IGF2BP2: variants seen among roughly 807,000 people sequenced by gnomAD.
The protein encoded by IGF2BP2 is insulin-like growth factor 2 mRNA-binding protein 2.
In IGF2BP2, 17 loss-of-function variants were observed where a neutral mutation model predicts 75.8. That is an observed-to-expected ratio of 0.22 (90% CI 0.15 to 0.34). The LOEUF is 0.34. IGF2BP2 is among the 10% of genes least tolerant of loss of function. The pLI is 1.00. For synonymous variants in IGF2BP2, 288 were observed against 295.6 expected (o/e 0.97, Z 0.26); for missense variants, 516 against 772.4 (o/e 0.67, Z 3.93).
chr3:185,762,749 A>C (rs866042602), intron 2 of IGF2BP2, among the ~76,000 whole-genome samples: 1 of 152,146 alleles, frequency 6.6e-6, no homozygotes, highest in African/African-American at 2.4e-5. Flanking sequence ...AGAGGGGAGA[A>C]AAGTCTGGGC....
chr3:185,798,795 CTTTTTTTT>C (rs1191572296), intron 2 of IGF2BP2, among the ~76,000 whole-genome samples: 1 of 68,920 alleles, frequency 1.5e-5, no homozygotes, highest in Non-Finnish European at 2.8e-5. Context: ...TTCTTTTTTT[CTTTTTTTT>C]TTTTGAGACA....
chr3:185,675,767 GAGTA>G lies in IGF2BP2; in HGVS notation c.935+20_935+23del. 1 of 1,610,440 alleles carries G rather than the reference GAGTA, an allele frequency of 6.2e-7. No individual in the cohort carries two copies. Among genetic ancestry groups the G allele is most frequent in the East Asian group, 2.2e-5 (1 of 44,846 alleles). ...GCTCAGGTGTTCCATTATTGGGCAT[GAGTA>G]ATCTGAGTAAGTGGCTTACGATGAG... On this transcript the variant is annotated intron_variant, in intron 8 of 15. Transcript: ENST00000382199.
intron 13 of IGF2BP2, 120 bp from the exon 14 acceptor site, chr3:185,649,654 G>C (rs576968169): frequency 7.4e-7 from 1 of 1,359,272 alleles, no homozygotes; most frequent in African/African-American, 1.5e-5. Flanking sequence ...ACACTCCCTG[G>C]GACACACAGG....
chr3:185,695,899 T>C (rs567809416), intron 4 of IGF2BP2, among the ~76,000 whole-genome samples: 4 of 152,190 alleles, frequency 2.6e-5, no homozygotes, highest in Non-Finnish European at 4.4e-5. Context: ...GCGATTCTCG[T>C]GCCTCAGCCT....
At chr3:185,741,527 A>G (rs769265770) in intron 2 of IGF2BP2, among the ~76,000 whole-genome samples, 3 of 152,216 alleles carry the variant, frequency 2.0e-5, no homozygotes, top group Non-Finnish European at 2.9e-5. Flanking sequence ...ACCCTGTCCC[A>G]TGAATAACTG....
chr3:185,699,373 G>C (rs904272368), intron 2 of IGF2BP2, among the ~76,000 whole-genome samples: 13 of 152,170 alleles, frequency 8.5e-5, no homozygotes, highest in African/African-American at 3.1e-4. Context: ...AACAGGACAG[G>C]TGAGGTCATA....
At chr3:185,776,092 C>T (rs1327594757) in intron 2 of IGF2BP2, among the ~76,000 whole-genome samples, 5 of 151,826 alleles carry the variant, frequency 3.3e-5, no homozygotes, top group Admixed American at 3.3e-4. Flanking sequence ...AAAAACTTAA[C>T]AAATTAGCTG....
intron 2 of IGF2BP2, chr3:185,820,928 G>T: frequency 7.2e-7 from 1 of 1,381,680 alleles, no homozygotes; most frequent in Non-Finnish European, 9.8e-7. Flanking sequence ...CTTCTAACTT[G>T]TTAATATTCA....
Position 185,645,999 on chromosome 3 carries a change from T to C in IGF2BP2, c.1708-376A>G, listed in dbSNP as rs1713455863. Among the ~76,000 whole-genome samples, 1 of 151,428 alleles carries C rather than the reference T, an allele frequency of 6.6e-6. No individual in the cohort carries two copies. ...TCTACAGCGGCTAGGAGGGCATGAGTGTGAGGGACAGGGGAGGGAGGGAGG... is the reference window on the plus strand; with the variant it reads ...TCTACAGCGGCTAGGAGGGCATGAGCGTGAGGGACAGGGGAGGGAGGGAGG... On this transcript the variant is annotated intron_variant, in intron 15 of 15. Transcript: ENST00000382199. This position sits in a 1 kb window ranked among gnomAD's most constrained non-coding sequence, Gnocchi z 4.9.
intron 2 of IGF2BP2, among the ~76,000 whole-genome samples, chr3:185,784,067 CT>C (rs1735554181): frequency 6.6e-6 from 1 of 152,098 alleles, no homozygotes; most frequent in Non-Finnish European, 1.5e-5. Context: ...AACTTCGTCT[CT>C]ACTGAAAATA....
chr3:185,687,706 T>A (rs1291219644), intron 6 of IGF2BP2, among the ~76,000 whole-genome samples: 3 of 152,258 alleles, frequency 2.0e-5, no homozygotes, highest in Non-Finnish European at 4.4e-5. Context: ...TCCTTTCCAT[T>A]GGCAGCCTGC....
chr3:185,810,935 G>T (rs945585584), intron 2 of IGF2BP2, among the ~76,000 whole-genome samples: 9 of 151,902 alleles, frequency 5.9e-5, no homozygotes, highest in Admixed American at 4.6e-4. Context: ...AATTGGAGAG[G>T]GTATAATTTA....
At position 185,778,563 on chromosome 3, in the gene IGF2BP2, T is replaced by C. The variant is rs143003546; in HGVS notation, c.239+44590A>G. Among the ~76,000 whole-genome samples, 17 of 152,324 alleles carry C rather than the reference T, an allele frequency of 1.1e-4. No homozygotes were observed. In the East Asian group the frequency reaches 3.1e-3, roughly 28 times the overall value. Reference sequence around the variant, plus strand: ...GAATAATGCCTTCCCCTCTACCAAGTTGCTTCAACATGCAAGTACTCTACA... The same window carrying C: ...GAATAATGCCTTCCCCTCTACCAAGCTGCTTCAACATGCAAGTACTCTACA... On this transcript the variant is annotated intron_variant, in intron 2 of 15. Transcript: ENST00000382199.
intron 2 of IGF2BP2, chr3:185,712,728 A>T (rs187292975): frequency 9.5e-5 from 11 of 115,658 alleles, no homozygotes; most frequent in Non-Finnish European, 2.1e-4. Flanking sequence ...TGAATTTTGG[A>T]AAAAAAAAAA....
Position 185,807,546 on chromosome 3 carries a change from C to T in IGF2BP2, c.239+15607G>A, listed in dbSNP as rs577885642. Among the ~76,000 whole-genome samples the T allele has an allele frequency of 1.7e-4, 26 of 152,292 alleles. No homozygotes were observed. In the South Asian group the frequency reaches 3.1e-3, roughly 18 times the overall value. On this transcript the variant is annotated intron_variant, in intron 2 of 15. Transcript: ENST00000382199. ...TCAGTATATGCCCCAAATTAAGTAT[C>T]GTTTCAATTTGTTGACTTTTCCTAA... is the stretch of plus-strand genomic sequence containing the variant.
At chr3:185,683,254 AGTG>A (rs1720647375) in intron 7 of IGF2BP2, among the ~76,000 whole-genome samples, 2 of 152,210 alleles carry the variant, frequency 1.3e-5, no homozygotes, top group African/African-American at 2.4e-5. Context: ...CATAGAAAGA[AGTG>A]GTGATTACCA....
chr3:185,802,589 T>C (rs1738430942), intron 2 of IGF2BP2, among the ~76,000 whole-genome samples: 1 of 152,224 alleles, frequency 6.6e-6, no homozygotes, highest in South Asian at 2.1e-4. Context: ...GAGAACATTT[T>C]TTAAATTATT....
chr3:185,720,889 T>C (rs1311573719), intron 2 of IGF2BP2, among the ~76,000 whole-genome samples: 1 of 152,170 alleles, frequency 6.6e-6, no homozygotes, highest in Non-Finnish European at 1.5e-5. Flanking sequence ...GAGAAGGTAG[T>C]CGAAAACAGT....
intron 2 of IGF2BP2, among the ~76,000 whole-genome samples, chr3:185,710,457 G>A (rs1020618280): frequency 1.3e-5 from 2 of 152,152 alleles, no homozygotes; most frequent in African/African-American, 2.4e-5. Flanking sequence ...GACTGGCCAG[G>A]AGCGATGGCT....
Sources: allele counts gnomAD v4.1 joint callset (sites outside exome capture counted in the v4.1 genomes callset), GRCh38; gene constraint gnomAD v4.1.1; non-coding constraint Gnocchi (gnomAD v3.1); transcripts MANE v1.5; gene names NCBI Gene and HGNC (gene_info 2026-07-23, HGNC 2026-07-21).